The following FGF14 variants were observed in gnomAD, a reference collection of about 807,000 sequenced individuals.
FGF14 encodes the protein fibroblast growth factor homologous factor 4.
FGF14 carries 5 observed loss-of-function variants against 25.5 expected under a neutral mutation model. The observed-to-expected ratio is 0.20, with a 90% confidence interval of 0.10 to 0.41. The LOEUF is 0.41. Among genes scored for constraint, FGF14 ranks in the 10% least tolerant of loss-of-function variants. The pLI, the probability that FGF14 is intolerant of heterozygous loss-of-function variation, is 1.00. For missense variants in FGF14, 222 were observed against 320.1 expected, an observed-to-expected ratio of 0.69 and a Z score of 2.34; for synonymous variants, 138 against 118.3, an observed-to-expected ratio of 1.17 and a Z score of -1.08.
chr13:101,988,881 T>G (rs2038743855), intron 1 of FGF14, among the ~76,000 whole-genome samples: 1 of 152,060 alleles, frequency 6.6e-6, no homozygotes, highest in South Asian at 2.1e-4. Flanking sequence ...ATATATGTTT[T>G]GTTGTTGTGG....
At chr13:101,858,011 A>C (rs1430502822) in intron 3 of FGF14, among the ~76,000 whole-genome samples, 2 of 152,026 alleles carry the variant, frequency 1.3e-5, no homozygotes, top group Non-Finnish European at 2.9e-5. Flanking sequence ...CTGGAAAAAA[A>C]GAAAAAAGTT....
At chr13:102,003,598 TTTG>T (rs926743025) in intron 1 of FGF14, among the ~76,000 whole-genome samples, 1 of 152,206 alleles carries the variant, frequency 6.6e-6, no homozygotes, top group Admixed American at 6.5e-5. Flanking sequence ...TGTTTGAGTT[TTTG>T]TTGTTGTTGT....
chr13:102,355,237 G>A (rs1013114094), intron 1 of FGF14, among the ~76,000 whole-genome samples: 13 of 152,128 alleles, frequency 8.5e-5, no homozygotes, highest in African/African-American at 4.8e-5. Context: ...ATGGACTTAC[G>A]TAGATCCTGA....
At chr13:102,274,130 G>A (rs1278749055) in intron 1 of FGF14, among the ~76,000 whole-genome samples, 2 of 152,118 alleles carry the variant, frequency 1.3e-5, no homozygotes, top group African/African-American at 2.4e-5. Flanking sequence ...ATGTTCTATC[G>A]TGGATCTGCC....
At chr13:102,299,697 T>C (rs139872252) in intron 1 of FGF14, 1 of 152,160 alleles carries the variant, frequency 6.6e-6, no homozygotes, top group South Asian at 2.1e-4. Flanking sequence ...CAGGATAGCA[T>C]AGGCTCCCTG....
intron 1 of FGF14, among the ~76,000 whole-genome samples, chr13:102,075,923 A>T (rs1030055303): frequency 1.3e-5 from 2 of 152,124 alleles, no homozygotes; most frequent in Non-Finnish European, 2.9e-5. Context: ...TCTAGAAAAA[A>T]CCTTACAGAA....
intron 1 of FGF14, among the ~76,000 whole-genome samples, chr13:102,142,153 T>G (rs923241313): frequency 3.0e-4 from 45 of 152,288 alleles, no homozygotes; most frequent in African/African-American, 1.1e-3. Context: ...AGCAAAAGTA[T>G]TCATATTTGT....
At chr13:101,955,056 G>C (rs1230804623) in intron 1 of FGF14, among the ~76,000 whole-genome samples, 1 of 152,124 alleles carries the variant, frequency 6.6e-6, no homozygotes, top group East Asian at 1.9e-4. Context: ...TCTTTTATTT[G>C]AACAAAGCTG....
intron 1 of FGF14, among the ~76,000 whole-genome samples, chr13:102,216,886 A>G (rs2050398183): frequency 1.3e-5 from 2 of 152,208 alleles, no homozygotes; most frequent in African/African-American, 4.8e-5. Flanking sequence ...TAGATTCCAC[A>G]TATGAATGAG....
intron 3 of FGF14, among the ~76,000 whole-genome samples, chr13:101,746,106 A>T (rs1474748626): frequency 6.6e-6 from 1 of 152,032 alleles, no homozygotes; most frequent in African/African-American, 2.4e-5. Flanking sequence ...CTGCAATTAG[A>T]AATATTTAAC....
intron 1 of FGF14, among the ~76,000 whole-genome samples, chr13:102,270,851 G>T (rs754573928): frequency 1.3e-5 from 2 of 152,078 alleles, no homozygotes; most frequent in African/African-American, 4.8e-5. Flanking sequence ...TGGTGTTTGG[G>T]TATATATTCT....
chr13:102,360,925 G>C (rs2057547345), intron 1 of FGF14, among the ~76,000 whole-genome samples: 1 of 151,290 alleles, frequency 6.6e-6, no homozygotes, highest in Non-Finnish European at 1.5e-5. Flanking sequence ...AGCAAAGAAG[G>C]CCATAAATTA....
intron 1 of FGF14, among the ~76,000 whole-genome samples, chr13:102,260,585 A>G (rs1394087842): frequency 6.6e-6 from 1 of 152,276 alleles, no homozygotes; most frequent in Non-Finnish European, 1.5e-5. Flanking sequence ...TAGGGTGACT[A>G]AAGAGACAGC....
chr13:101,888,616 T>C (rs975639516), intron 1 of FGF14, among the ~76,000 whole-genome samples: 1 of 152,142 alleles, frequency 6.6e-6, no homozygotes, highest in African/African-American at 2.4e-5. Context: ...GGAGGATATA[T>C]AACAAGATCA....
At chr13:102,266,809 C>T (rs1429785240) in intron 1 of FGF14, among the ~76,000 whole-genome samples, 1 of 151,940 alleles carries the variant, frequency 6.6e-6, no homozygotes, top group Non-Finnish European at 1.5e-5. Flanking sequence ...ATATATACTG[C>T]TGAAATCAGT....
At chr13:101,780,891 T>C (rs1489542025) in intron 3 of FGF14, among the ~76,000 whole-genome samples, 1 of 152,066 alleles carries the variant, frequency 6.6e-6, no homozygotes, top group Non-Finnish European at 1.5e-5. Context: ...AGCAGACGGC[T>C]CCTTGCTCTA....
intron 1 of FGF14, among the ~76,000 whole-genome samples, chr13:102,044,615 T>A (rs1363986910): frequency 6.6e-6 from 1 of 152,144 alleles, no homozygotes; most frequent in African/African-American, 2.4e-5. Flanking sequence ...AAACACAGTT[T>A]AAAAACTGCC....
chr13:101,915,870 G>A (rs2033422234), intron 1 of FGF14, among the ~76,000 whole-genome samples: 2 of 152,218 alleles, frequency 1.3e-5, no homozygotes, highest in Admixed American at 6.5e-5. Context: ...AGGGCTGCGC[G>A]CTAAGCAGCC....
At chr13:102,029,400 A>G (rs1002388858) in intron 1 of FGF14, among the ~76,000 whole-genome samples, 2 of 152,114 alleles carry the variant, frequency 1.3e-5, no homozygotes, top group African/African-American at 2.4e-5. Context: ...CAGTTACATC[A>G]CAAATATTTT....
Sources: allele counts gnomAD v4.1 joint callset (sites outside exome capture counted in the v4.1 genomes callset), GRCh38; gene constraint gnomAD v4.1.1; transcripts MANE v1.5; gene names NCBI Gene and HGNC (gene_info 2026-07-23, HGNC 2026-07-21).